The following CCDC180 variants were observed in gnomAD, a reference collection of about 807,000 sequenced individuals.
The protein encoded by CCDC180 is coiled-coil domain containing 180.
CCDC180 carries 154 observed loss-of-function variants against 209.2 expected under a neutral mutation model. The ratio of observed to expected loss-of-function variants is 0.74; its 90% CI spans 0.65 to 0.84. The LOEUF is 0.84. Among genes scored for constraint, CCDC180 ranks in the 40% least tolerant of loss-of-function variants. The probability of loss-of-function intolerance (pLI) is 0.00; values close to 1 mark genes in which losing one functional copy is unlikely to be tolerated. For missense variants in CCDC180, 1,874 were observed against 1,997.3 expected, an observed-to-expected ratio of 0.94 and a Z score of 1.18; for synonymous variants, 778 against 749.1, an observed-to-expected ratio of 1.04 and a Z score of -0.63.
intron 5 of CCDC180, among the ~76,000 whole-genome samples, chr9:97,313,881 T>C (rs1029936768): frequency 2.0e-5 from 3 of 152,234 alleles, no homozygotes; most frequent in Non-Finnish European, 2.9e-5. Flanking sequence ...GATTTCCATT[T>C]GTCCCCTTCT....
chr9:97,364,454 A>T (rs1826862926), intron 29 of CCDC180: 1 of 292,440 alleles, frequency 3.4e-6, no homozygotes, highest in South Asian at 3.6e-5. Context: ...CTTTATTGTA[A>T]CTCCAGTGAT....
chr9:97,354,483 A>G, intron 22 of CCDC180, 86 bp from the exon 23 acceptor site: 1 of 1,378,034 alleles, frequency 7.3e-7, no homozygotes, highest in Non-Finnish European at 1.0e-6. Flanking sequence ...GCCTAGATTA[A>G]AAGTGTGTGT....
chr9:97,309,427 A>T lies in CCDC180; in HGVS notation c.83A>T (p.His28Leu). 1 of 1,598,540 alleles carries T rather than the reference A, an allele frequency of 6.3e-7. No individual in the cohort carries two copies. The highest frequency in any genetic ancestry group is 8.5e-7 in the Non-Finnish European group (1 of 1,173,174). Residue 28 changes from histidine to leucine, a missense_variant, in exon 3 of 37, where the codon CAC (histidine) becomes CTC (leucine). Transcript: ENST00000529487. ...QIFQAEVQLV[H>L]SLAATRKRAA... ...CCCTGGATTCAGGTGCAGCTGGTCC[A>T]CTCCCTGGCGGCCACCAGGAAGCGG...
chr9:97,366,323 C>T lies in CCDC180; in HGVS notation c.4048-236C>T, dbSNP rs556728086. ...CTTGAAGGATAAATAGGATTCTTGC[C>T]AGTCACTCATTCAGGAAATAACGAG... On this transcript the variant is annotated intron_variant, in intron 30 of 36. Coordinates refer to ENST00000529487, the MANE Select transcript of CCDC180 (RefSeq NM_020893.6). This position sits in a 1 kb window ranked among gnomAD's most constrained non-coding sequence, Gnocchi z 4.3. 6.6e-6 allele frequency among the ~76,000 whole-genome samples: 1 copy of T among 152,218 alleles called. No individual in the cohort carries two copies. Among genetic ancestry groups the T allele is most frequent in the Non-Finnish European group, 1.5e-5 (1 of 68,044 alleles).
In CCDC180 at chr9:97,307,726, G is replaced by A. The variant is rs745863621; in HGVS notation, c.-162G>A. The A allele has an allele frequency of 1.2e-5, 19 of 1,613,656 alleles. No homozygotes were observed. In the African/African-American group the frequency reaches 2.0e-4, roughly 17 times the overall value. On this transcript the variant is annotated 5_prime_UTR_variant, in exon 1 of 37. Transcript: ENST00000529487. ...CACAAGCAATAATCCTGTATTATTC[G>A]CGTTCCCAGAGTCCCTTCGGATTTG...
chr9:97,313,448 CAG>C, intron 5 of CCDC180, 103 bp downstream of exon 5: 1 of 730,332 alleles, frequency 1.4e-6, no homozygotes. Flanking sequence ...GAGAGGTCCT[CAG>C]GGGCTCACAG....
intron 15 of CCDC180, among the ~76,000 whole-genome samples, chr9:97,327,246 AT>A (rs989534639): frequency 7.9e-5 from 12 of 152,176 alleles, no homozygotes; most frequent in Non-Finnish European, 1.5e-5. Context: ...ACATATAGAG[AT>A]TTTTTTCCCT....
rs1015933666 is a variant in CCDC180 at position 97,315,869 on chromosome 9, G to A, written c.795+923G>A. ...TGCGTCGTTAAATGAAGATAATATA[G>A]ATGTTCCTCCACTTACGATAGGGTC... On this transcript the variant is annotated intron_variant, in intron 8 of 36. Coordinates refer to ENST00000529487, the MANE Select transcript of CCDC180 (RefSeq NM_020893.6). Among the ~76,000 whole-genome samples the A allele has an allele frequency of 2.6e-5, 4 of 152,308 alleles. No homozygotes were observed. In the East Asian group the frequency reaches 5.8e-4, roughly 22 times the overall value.
At chr9:97,361,973 G>A in intron 27 of CCDC180, 75 bp downstream of exon 27, 1 of 1,537,414 alleles carries the variant, frequency 6.5e-7, no homozygotes, top group Non-Finnish European at 8.8e-7. Flanking sequence ...ACCAGCTTTG[G>A]GGCCCCACAC....
chr9:97,376,752 C>G lies in CCDC180; in HGVS notation c.4843-11C>G. On this transcript the variant is annotated splice_polypyrimidine_tract_variant and intron_variant, in intron 36 of 36. Coordinates refer to ENST00000529487, the MANE Select transcript of CCDC180 (RefSeq NM_020893.6). ...TCCTCATGTGGACCCCTCCTGCTACCTTCCTTCTAGAAATATTTAGCATCA... is the reference window on the plus strand; with the variant it reads ...TCCTCATGTGGACCCCTCCTGCTACGTTCCTTCTAGAAATATTTAGCATCA... The G allele has an allele frequency of 6.2e-7, 1 of 1,611,500 alleles. No individual in the cohort carries two copies. Among genetic ancestry groups the G allele is most frequent in the Non-Finnish European group, 8.5e-7 (1 of 1,179,048 alleles).
intron 34 of CCDC180, chr9:97,374,296 T>G: frequency 2.1e-6 from 1 of 466,752 alleles, no homozygotes; most frequent in Admixed American, 3.7e-5. Context: ...CAGGCTTGGG[T>G]TTGGAGCTGG....
intron 25 of CCDC180, among the ~76,000 whole-genome samples, chr9:97,359,707 A>G (rs1434694870): frequency 6.6e-6 from 1 of 151,874 alleles, no homozygotes. Context: ...AGTTTAAGTT[A>G]TTTGCTCAGA....
rs764042508 is a variant in CCDC180 at position 97,343,316 on chromosome 9, A to C, written c.2275-24A>C. On this transcript the variant is annotated intron_variant, in intron 18 of 36. Transcript: ENST00000529487. ...AAGTCCATTTGATGATATCAAGTCA[A>C]CTTTAGTGTTATTGCCTGCTTAGGA... 9.5e-6 allele frequency: 14 copies of C among 1,473,370 alleles called. No homozygotes were observed. In the African/African-American group the frequency reaches 1.8e-4, roughly 19 times the overall value. The allele number at this position is 1,473,370 out of a possible 1,614,324, so 91.3% of individuals were successfully genotyped here. A position where few individuals can be genotyped will look rare whatever the true frequency, so the allele number is the denominator to read the frequency against.
chr9:97,342,216 G>A (rs1490824504), intron 18 of CCDC180, among the ~76,000 whole-genome samples: 2 of 152,224 alleles, frequency 1.3e-5, no homozygotes, highest in Non-Finnish European at 2.9e-5. Context: ...GGTGAACCAG[G>A]TACCTCAGTT....
chr9:97,357,448 C>G (rs922694776), intron 24 of CCDC180, among the ~76,000 whole-genome samples, 179 bp from the exon 25 acceptor site: 1 of 152,150 alleles, frequency 6.6e-6, no homozygotes, highest in Non-Finnish European at 1.5e-5. Context: ...ACCTTACTTA[C>G]TTGAGAGGGG....
Position 97,307,756 on chromosome 9 carries a change from A to C in CCDC180, c.-132A>C, listed in dbSNP as rs143152642. The stretch of plus-strand genomic sequence containing the variant: ...CCCAGAGTCCCTTCGGATTTGCGCC[A>C]TGCGCGGCGGGGAGAACCGGCCTCC... On this transcript the variant is annotated 5_prime_UTR_variant, in exon 1 of 37. An upstream start codon of the reference 5' UTR is lost. Transcript: ENST00000529487. The C allele has an allele frequency of 6.2e-7, 1 of 1,614,222 alleles. No individual in the cohort carries two copies. Among genetic ancestry groups the C allele is most frequent in the South Asian group, 1.1e-5 (1 of 91,084 alleles).
chr9:97,314,248 G>A (rs951397417), intron 5 of CCDC180, 145 bp from the exon 6 acceptor site: 1 of 882,260 alleles, frequency 1.1e-6, no homozygotes, highest in Admixed American at 2.3e-5. Context: ...TGTGAGCTGA[G>A]TAGTGAGCCT....
chr9:97,364,014 A>G (rs1826842154), intron 28 of CCDC180, 37 bp from the exon 29 acceptor site: 2 of 1,600,100 alleles, frequency 1.2e-6, no homozygotes, highest in East Asian at 4.5e-5. Flanking sequence ...GCGTCTGTCC[A>G]CAGCCTCCAG....
chr9:97,312,710 C>T (rs908024752), intron 4 of CCDC180, among the ~76,000 whole-genome samples: 31 of 149,758 alleles, frequency 2.1e-4, no homozygotes, highest in Admixed American at 1.6e-3. Context: ...GGTTAACCCA[C>T]GTGGCATCCG....
Sources: gnomAD v4.1 joint callset for allele counts (sites outside exome capture counted in the v4.1 genomes callset) on GRCh38, gnomAD v4.1.1 for gene constraint, Gnocchi (gnomAD v3.1) non-coding constraint, MANE v1.5 for transcripts, NCBI Gene and HGNC (gene_info 2026-07-23, HGNC 2026-07-21) for gene names.